Variants in DZIP3 observed in about 807,000 individuals in gnomAD.
DZIP3 encodes the protein E3 ubiquitin-protein ligase DZIP3.
A neutral mutation model predicts 162.0 loss-of-function variants in DZIP3; 118 were observed. The observed-to-expected ratio is 0.73, with a 90% CI of 0.63 to 0.85. The LOEUF (loss-of-function observed/expected upper bound fraction) is 0.85, where lower values mean the gene tolerates loss of function less well. Ranked by LOEUF, DZIP3 falls within the 40% of genes least tolerant of loss-of-function variation. The pLI, the probability that DZIP3 is intolerant of heterozygous loss-of-function variation, is 0.00. For missense variants in DZIP3, 1,331 were observed against 1,407.0 expected, an observed-to-expected ratio of 0.95 and a Z score of 0.86; for synonymous variants, 438 against 458.6, an observed-to-expected ratio of 0.96 and a Z score of 0.57.
At chr3:108,641,993 C>G (rs1021891768) in intron 12 of DZIP3, among the ~76,000 whole-genome samples, 4 of 151,992 alleles carry the variant, frequency 2.6e-5, no homozygotes, top group Non-Finnish European at 5.9e-5. Context: ...CTACTAGCAT[C>G]TTTATTGTTT....
chr3:108,601,071 A>G (rs778854821), intron 1 of DZIP3, among the ~76,000 whole-genome samples: 2 of 152,204 alleles, frequency 1.3e-5, no homozygotes, highest in Non-Finnish European at 2.9e-5. Context: ...TACATGTTGT[A>G]TAATATCAGG....
chr3:108,634,740 G>C, intron 9 of DZIP3, 131 bp from the exon 10 acceptor site: 1 of 449,842 alleles, frequency 2.2e-6, no homozygotes. Context: ...TCTGATTTCT[G>C]TTGATAAATT....
intron 18 of DZIP3, among the ~76,000 whole-genome samples, chr3:108,653,507 G>GTGTATATACATATATA (rs1273159630): frequency 9.6e-6 from 1 of 104,602 alleles, no homozygotes; most frequent in Admixed American, 1.0e-4. Flanking sequence ...GTGTGTGTGT[G>GTGTATATACATATATA]TATATATATA....
chr3:108,632,214 CATTT>C lies in DZIP3; in HGVS notation c.697-734_697-731del, dbSNP rs573105106. On this transcript the variant is annotated intron_variant, in intron 8 of 32. Coordinates refer to ENST00000361582, the MANE Select transcript of DZIP3 (RefSeq NM_014648.4). ...ATTCACTTGTATTTAATCAGCATTTCATTTATTTGTTATTTGTTTTATTCTATTT... is the reference window on the plus strand; with the variant it reads ...ATTCACTTGTATTTAATCAGCATTTCATTTGTTATTTGTTTTATTCTATTT... 2.8e-3 allele frequency among the ~76,000 whole-genome samples: 429 copies of C among 152,148 alleles called. 3 individuals are homozygous for C. Among genetic ancestry groups the C allele is most frequent in the African/African-American group, 9.7e-3 (404 of 41,528 alleles).
upstream of DZIP3, chr3:108,589,521 A>C: frequency 4.0e-6 from 2 of 505,318 alleles, no homozygotes; most frequent in South Asian, 3.0e-5. Flanking sequence ...GTCCCTAGGC[A>C]CCCTAGGGGA....
chr3:108,622,603 G>T (rs1026008141), intron 5 of DZIP3, among the ~76,000 whole-genome samples: 9 of 152,098 alleles, frequency 5.9e-5, no homozygotes, highest in African/African-American at 2.2e-4. Context: ...TTTTGTACCT[G>T]TCCTTCTTGG....
intron 1 of DZIP3, among the ~76,000 whole-genome samples, chr3:108,594,436 C>A (rs1446988582): frequency 3.2e-5 from 4 of 123,460 alleles, no homozygotes; most frequent in African/African-American, 9.0e-5. Context: ...CTCCCTGCTC[C>A]CCCCCCATAT....
intron 1 of DZIP3, among the ~76,000 whole-genome samples, chr3:108,602,426 A>G (rs1054784459): frequency 6.6e-6 from 1 of 152,186 alleles, no homozygotes; most frequent in South Asian, 2.1e-4. Flanking sequence ...GCCTACAGAT[A>G]AGATCATCTT....
intron 19 of DZIP3, among the ~76,000 whole-genome samples, chr3:108,660,675 A>G (rs1320996868): frequency 6.6e-6 from 1 of 152,216 alleles, no homozygotes; most frequent in African/African-American, 2.4e-5. Context: ...GCACAGCAAA[A>G]GAAACTACCA....
intron 29 of DZIP3, among the ~76,000 whole-genome samples, 191 bp from the exon 30 acceptor site, chr3:108,688,402 G>A (rs373652052): frequency 7.2e-5 from 11 of 152,142 alleles, no homozygotes; most frequent in African/African-American, 2.2e-4. Flanking sequence ...TTAAAAGAAT[G>A]TATAGAGTTA....
chr3:108,654,244 G>A lies in DZIP3; in HGVS notation c.2133G>A (p.Glu711=). Residue 711 remains glutamate, a synonymous_variant, in exon 19 of 33, where the codon GAG becomes GAA. Coordinates refer to ENST00000361582, the MANE Select transcript of DZIP3 (RefSeq NM_014648.4). The part of the protein sequence containing the change: ...LIKDDASDVQ[E]DSAMEDKFYS... ...AAGATGATGCAAGTGATGTTCAAGA[G>A]GATTCTGCAATGGAAGACAAGTTCT... is the stretch of plus-strand genomic sequence containing the variant. The A allele has an allele frequency of 2.5e-6, 4 of 1,613,798 alleles. No individual in the cohort carries two copies. The highest frequency in any genetic ancestry group is 3.4e-6 in the Non-Finnish European group (4 of 1,179,770).
intron 13 of DZIP3, among the ~76,000 whole-genome samples, chr3:108,643,266 C>T (rs1047007684): frequency 2.0e-5 from 3 of 152,078 alleles, no homozygotes; most frequent in East Asian, 1.9e-4. Flanking sequence ...TCACTTCAGC[C>T]GACTTTTCTC....
intron 1 of DZIP3, among the ~76,000 whole-genome samples, chr3:108,591,704 A>G (rs1939428821): frequency 6.6e-6 from 1 of 152,204 alleles, no homozygotes; most frequent in Non-Finnish European, 1.5e-5. Context: ...AAAGGGAAGA[A>G]AAGGAGCAGG....
chr3:108,648,840 G>T, intron 16 of DZIP3, 78 bp from the exon 17 acceptor site: 1 of 713,636 alleles, frequency 1.4e-6, no homozygotes, highest in Non-Finnish European at 2.0e-6. Flanking sequence ...TCTCAGTGGT[G>T]AGAGGAAATA....
chr3:108,658,214 T>C (rs1049632181), intron 19 of DZIP3, among the ~76,000 whole-genome samples: 1 of 152,132 alleles, frequency 6.6e-6, no homozygotes, highest in African/African-American at 2.4e-5. Context: ...ACCACACCTA[T>C]TCCAAAATTG....
intron 5 of DZIP3, among the ~76,000 whole-genome samples, chr3:108,621,443 C>G (rs1941337497): frequency 6.6e-6 from 1 of 152,112 alleles, no homozygotes; most frequent in African/African-American, 2.4e-5. Flanking sequence ...TTACAACAAT[C>G]CATTTATACT....
intron 24 of DZIP3, among the ~76,000 whole-genome samples, chr3:108,674,560 A>T (rs2107362885): frequency 6.6e-6 from 1 of 152,042 alleles, no homozygotes; most frequent in African/African-American, 2.4e-5. Context: ...TGAACACCAG[A>T]TACTTATGAA....
intron 2 of DZIP3, among the ~76,000 whole-genome samples, chr3:108,607,420 CAT>C (rs1182372177): frequency 6.6e-6 from 1 of 152,156 alleles, no homozygotes; most frequent in African/African-American, 2.4e-5. Context: ...CCAGAATTAA[CAT>C]AGAATAAATC....
At chr3:108,629,488 T>C (rs1039002143) in intron 8 of DZIP3, among the ~76,000 whole-genome samples, 3 of 152,176 alleles carry the variant, frequency 2.0e-5, no homozygotes, top group African/African-American at 7.2e-5. Context: ...TGATTTAAAT[T>C]ACAAAGTACT....
Sources: gnomAD v4.1 joint callset for allele counts (sites outside exome capture counted in the v4.1 genomes callset) on GRCh38, gnomAD v4.1.1 for gene constraint, MANE v1.5 for transcripts, NCBI Gene and HGNC (gene_info 2026-07-23, HGNC 2026-07-21) for gene names.